RUFY2: variants seen among roughly 807,000 people sequenced by gnomAD.
RUFY2 encodes RUN and FYVE domain-containing protein 2.
In RUFY2, 49 loss-of-function variants were observed where a neutral mutation model predicts 94.4. The observed-to-expected ratio is 0.52, with a 90% CI of 0.41 to 0.66. The LOEUF is 0.66. Ranked by LOEUF, RUFY2 falls within the 30% of genes least tolerant of loss-of-function variation. The pLI is 0.00. For synonymous variants in RUFY2, 255 were observed against 235.7 expected, an observed-to-expected ratio of 1.08 and a Z score of -0.75; for missense variants, 541 against 692.8, an observed-to-expected ratio of 0.78 and a Z score of 2.46.
chr10:68,350,290 C>T (rs1206486784), intron 16 of RUFY2, among the ~76,000 whole-genome samples: 4 of 152,126 alleles, frequency 2.6e-5, no homozygotes, highest in Non-Finnish European at 4.4e-5. Flanking sequence ...GGATTACAGC[C>T]GTGAGCCACC....
intron 8 of RUFY2, 28 bp downstream of exon 8, chr10:68,386,031 T>A (rs1294687428): frequency 2.0e-6 from 3 of 1,471,128 alleles, no homozygotes; most frequent in Non-Finnish European, 2.8e-6. Flanking sequence ...ACTAGGTCCA[T>A]GAAATACATT....
intron 13 of RUFY2, among the ~76,000 whole-genome samples, chr10:68,365,721 C>G (rs548041693): frequency 1.2e-4 from 19 of 152,332 alleles, no homozygotes; most frequent in Admixed American, 1.3e-4. Context: ...GCAGTAGAAA[C>G]TTAACTCTTC....
In RUFY2 at chr10:68,363,608, A is replaced by G; in HGVS notation, c.1532T>C (p.Leu511Pro). 4.4e-6 allele frequency: 7 copies of G among 1,601,998 alleles called. No homozygotes were observed. Among genetic ancestry groups the G allele is most frequent in the Non-Finnish European group, 4.3e-6 (5 of 1,176,448 alleles). ...YHEQEQALQELGNKLSESKLK... is the reference protein window; with the variant it reads ...YHEQEQALQEPGNKLSESKLK... ...AAATTACTCGCTAAGCTTGTTGCCG[A>G]GTTCTTGAAGAGCTTGCTCTTGTTC... The change falls in exon 15 of 18, where the codon CTC (leucine) becomes CCC (proline). Residue 511 changes from leucine to proline, a missense_variant. By Grantham distance (98) the Leu-to-Pro change is moderately conservative (BLOSUM62 -3). This residue lies in a region of RUFY2 where 403 missense variants were observed against 480.7 expected (regional missense o/e 0.84). Transcript: ENST00000602465.
At chr10:68,401,007 C>T (rs2050801589) in intron 3 of RUFY2, among the ~76,000 whole-genome samples, 1 of 128,654 alleles carries the variant, frequency 7.8e-6, no homozygotes, top group Non-Finnish European at 1.6e-5. Context: ...AGCGAGACTC[C>T]GTCTCAAAGA....
At chr10:68,403,687 A>G (rs1377601513) in intron 2 of RUFY2, among the ~76,000 whole-genome samples, 4 of 152,232 alleles carry the variant, frequency 2.6e-5, no homozygotes. Flanking sequence ...AAAAGAAATG[A>G]GTATGCTAAT....
chr10:68,366,824 ATATAT>A lies in RUFY2; in HGVS notation c.1326-2716_1326-2712del, dbSNP rs201139044. On this transcript the variant is annotated intron_variant, in intron 13 of 17. Coordinates refer to ENST00000602465, the MANE Select transcript of RUFY2 (RefSeq NM_001330103.2). ...TATATATAATATAATGTTATATGGTATATATTATAATAATATATAATATAAATAAA... is the reference window on the plus strand; with the variant it reads ...TATATATAATATAATGTTATATGGTATATAATAATATATAATATAAATAAA... 1.5e-3 allele frequency among the ~76,000 whole-genome samples: 207 copies of A among 141,896 alleles called. 3 individuals carry two copies. In the East Asian group the frequency reaches 0.03, roughly 21 times the overall value. 93.1% of individuals were successfully genotyped at this position (141,896 alleles called of 152,430 possible).
At chr10:68,379,173 G>T in intron 12 of RUFY2, 2 of 349,362 alleles carry the variant, frequency 5.7e-6, no homozygotes, top group Non-Finnish European at 1.0e-5. Context: ...GTAACTGAAC[G>T]ACATGAAACT....
At chr10:68,391,600 T>TCATG (rs1414618134) in intron 7 of RUFY2, among the ~76,000 whole-genome samples, 1 of 139,568 alleles carries the variant, frequency 7.2e-6, no homozygotes, top group African/African-American at 2.7e-5. Flanking sequence ...GTGAGCTTGA[T>TCATG]CATGCCACTG....
Position 68,401,755 on chromosome 10 carries a change from T to A in RUFY2, c.179-18A>T. ...TTTTCTTACTGAAAAAAAGAACACA[T>A]AATGCACACAATGTCAACATAAAAA... On this transcript the variant is annotated intron_variant, in intron 2 of 17. Coordinates refer to ENST00000602465, the MANE Select transcript of RUFY2 (RefSeq NM_001330103.2). 1 of 1,385,406 alleles carries A rather than the reference T, an allele frequency of 7.2e-7. No homozygotes were observed. The highest frequency in any genetic ancestry group is 1.2e-5 in the South Asian group (1 of 86,218). 85.8% of individuals were successfully genotyped at this position (1,385,406 alleles called of 1,614,324 possible).
chr10:68,354,984 T>A (rs2046944658), intron 16 of RUFY2, among the ~76,000 whole-genome samples: 1 of 152,062 alleles, frequency 6.6e-6, no homozygotes, highest in South Asian at 2.1e-4. Context: ...GTGGCTGGGA[T>A]TACAGGCACC....
At chr10:68,361,005 G>A (rs952434184) in intron 15 of RUFY2, among the ~76,000 whole-genome samples, 8 of 151,950 alleles carry the variant, frequency 5.3e-5, no homozygotes, top group South Asian at 2.1e-4. Context: ...GTGAGGGGCC[G>A]GGCGTGGTGG....
chr10:68,341,456 C>G, downstream of RUFY2: 1 of 996,940 alleles, frequency 1.0e-6, no homozygotes, highest in East Asian at 2.5e-5. Flanking sequence ...CTTTATATAT[C>G]GCTGTACTAG....
chr10:68,362,396 ATTCAATACTAAATTAAACCCTCTTGAGC>A (rs1424031939), intron 15 of RUFY2, among the ~76,000 whole-genome samples: 2 of 152,202 alleles, frequency 1.3e-5, no homozygotes, highest in African/African-American at 4.8e-5. Context: ...GCAGTGGTAC[ATTCAATACTAAATTAAACCCTCTTGAGC>A]TTATTCCAAA....
At chr10:68,374,381 GA>G (rs1185209599) in intron 13 of RUFY2, among the ~76,000 whole-genome samples, 1 of 151,868 alleles carries the variant, frequency 6.6e-6, no homozygotes, top group Non-Finnish European at 1.5e-5. Context: ...ATTAATATCA[GA>G]AAAATTAACT....
At chr10:68,341,196 T>C, downstream of RUFY2, 1 of 1,584,270 alleles carries the variant, frequency 6.3e-7, no homozygotes, top group Non-Finnish European at 8.5e-7. Context: ...CTAAATCCAA[T>C]ACGAGTTCAT....
chr10:68,404,634 T>G (rs758886453), intron 2 of RUFY2, 37 bp downstream of exon 2: 1 of 1,448,794 alleles, frequency 6.9e-7, no homozygotes, highest in Non-Finnish European at 9.2e-7. Flanking sequence ...AAAACGGAAA[T>G]TCTAAAATGA....
chr10:68,377,485 A>G (rs1431413787), intron 12 of RUFY2: 7 of 990,600 alleles, frequency 7.1e-6, no homozygotes, highest in Non-Finnish European at 7.2e-6. Flanking sequence ...CGGCATCTTT[A>G]TGCATTTACT....
chr10:68,377,252 C>G, intron 12 of RUFY2: 7 of 1,252,126 alleles, frequency 5.6e-6, no homozygotes, highest in Non-Finnish European at 6.0e-6. Context: ...GCAATACAGC[C>G]TTTACCACTT....
In RUFY2 at chr10:68,407,215, G is replaced by A. The variant is rs750227477; in HGVS notation, c.-26C>T. 2.4e-4 allele frequency: 336 copies of A among 1,400,996 alleles called. No individual in the cohort carries two copies. Among genetic ancestry groups the A allele is most frequent in the Middle Eastern group, 7.3e-4 (3 of 4,124 alleles). 86.8% of individuals were successfully genotyped at this position (1,400,996 alleles called of 1,614,324 possible). Reference sequence around the variant, plus strand: ...GGCGGCGGCGGCTGCGCGGTCTCGGGCGGAGGCTCCCTCGGCCTGTCCAGC... The same window carrying A: ...GGCGGCGGCGGCTGCGCGGTCTCGGACGGAGGCTCCCTCGGCCTGTCCAGC... On this transcript the variant is annotated 5_prime_UTR_variant, in exon 1 of 18. Coordinates refer to ENST00000602465, the MANE Select transcript of RUFY2 (RefSeq NM_001330103.2).
Sources: gnomAD v4.1 joint callset for allele counts (sites outside exome capture counted in the v4.1 genomes callset) on GRCh38, gnomAD v4.1.1 for gene constraint, gnomAD v4.1.1 regional missense constraint, MANE v1.5 for transcripts, NCBI Gene and HGNC (gene_info 2026-07-23, HGNC 2026-07-21) for gene names.